HIVEP1: variants seen among roughly 807,000 people sequenced by gnomAD.
The protein encoded by HIVEP1 is HIVEP zinc finger 1.
A neutral mutation model predicts 180.0 loss-of-function variants in HIVEP1; 36 were observed. That is an observed-to-expected ratio of 0.20 (90% CI 0.15 to 0.26). The LOEUF is 0.26. Among genes scored for constraint, HIVEP1 ranks in the 10% least tolerant of loss-of-function variants. The probability of loss-of-function intolerance (pLI) is 1.00; values close to 1 mark genes in which losing one functional copy is unlikely to be tolerated. For synonymous variants in HIVEP1, 1,239 were observed against 1,239.0 expected, an observed-to-expected ratio of 1.00 and a Z score of 0.00; for missense variants, 3,143 against 3,268.7, an observed-to-expected ratio of 0.96 and a Z score of 0.94.
downstream of HIVEP1, among the ~76,000 whole-genome samples, chr6:12,167,363 C>A (rs1357882492): frequency 1.3e-5 from 2 of 151,632 alleles, no homozygotes; most frequent in Non-Finnish European, 2.9e-5. Context: ...TTGCAGTCAA[C>A]TTCAAATAAT....
intron 2 of HIVEP1, among the ~76,000 whole-genome samples, chr6:12,048,031 T>C (rs1770250669): frequency 6.6e-6 from 1 of 152,246 alleles, no homozygotes; most frequent in African/African-American, 2.4e-5. Flanking sequence ...CTGTTGCTGT[T>C]CCATTTTGCA....
intron 7 of HIVEP1, among the ~76,000 whole-genome samples, chr6:12,153,616 T>G (rs1384389106): frequency 1.3e-5 from 2 of 150,790 alleles, no homozygotes; most frequent in East Asian, 3.9e-4. Context: ...AAGAGCACTT[T>G]TAGGTTCTAA....
At chr6:12,159,592 T>TA (rs1470072354) in intron 7 of HIVEP1, among the ~76,000 whole-genome samples, 13 of 152,102 alleles carry the variant, frequency 8.5e-5, no homozygotes, top group African/African-American at 7.2e-5. Context: ...GCCAAACCTA[T>TA]AAAAAATTTT....
chr6:12,062,846 T>C (rs902401319), intron 2 of HIVEP1, among the ~76,000 whole-genome samples: 14 of 152,224 alleles, frequency 9.2e-5, no homozygotes, highest in African/African-American at 2.7e-4. Context: ...GAAAGTATAG[T>C]GTAGTCTGGC....
At chr6:12,153,860 A>G (rs1181385536) in intron 7 of HIVEP1, among the ~76,000 whole-genome samples, 1 of 152,140 alleles carries the variant, frequency 6.6e-6, no homozygotes, top group Non-Finnish European at 1.5e-5. Context: ...AAAAGACCCT[A>G]GAGCGGGCTG....
At chr6:12,053,028 C>T (rs1026182216) in intron 2 of HIVEP1, among the ~76,000 whole-genome samples, 8 of 152,048 alleles carry the variant, frequency 5.3e-5, no homozygotes, top group African/African-American at 1.9e-4. Context: ...CTGTGTAGTT[C>T]CTGTAATTGG....
chr6:12,112,231 A>G (rs1009984382), intron 3 of HIVEP1, among the ~76,000 whole-genome samples: 2 of 152,034 alleles, frequency 1.3e-5, no homozygotes, highest in African/African-American at 2.4e-5. Context: ...ATATCACACC[A>G]TGGTTTCCGT....
chr6:12,135,683 G>C (rs1002643164), intron 6 of HIVEP1, 108 bp from the exon 7 acceptor site: 1 of 679,984 alleles, frequency 1.5e-6, no homozygotes, highest in Admixed American at 2.5e-5. Flanking sequence ...GGAGTTGTAC[G>C]ACCACAATCT....
At chr6:12,024,608 C>T (rs1317530506) in intron 2 of HIVEP1, among the ~76,000 whole-genome samples, 1 of 152,184 alleles carries the variant, frequency 6.6e-6, no homozygotes, top group East Asian at 1.9e-4. Flanking sequence ...GGTTTATCTT[C>T]AAATTCTTTC....
chr6:12,136,108 T>C (rs1758690331), intron 7 of HIVEP1, among the ~76,000 whole-genome samples: 1 of 152,188 alleles, frequency 6.6e-6, no homozygotes, highest in Non-Finnish European at 1.5e-5. Context: ...TTCTGAAGCA[T>C]GTGTCTGATC....
intron 2 of HIVEP1, among the ~76,000 whole-genome samples, chr6:12,051,984 G>C (rs9296246): frequency 0.25 from 37,525 of 152,000 alleles, 4,998 homozygotes; most frequent in African/African-American, 0.36. Flanking sequence ...CATACTGTGT[G>C]GGGGGACTTT....
the HIVEP1 span, among the ~76,000 whole-genome samples, chr6:12,202,298 G>A: frequency 7.4e-6 from 1 of 134,938 alleles, no homozygotes; most frequent in African/African-American, 2.5e-5. Context: ...TGGGACTATA[G>A]GCTAATTTTT....
rs116154150 is a variant in HIVEP1, at chr6:12,040,007, A to G, written c.40+24339A>G. ...CCCCAACTGTGGGGCGAGGATTCTG[A>G]TGCTGGGCGGTCGAGGGGAAATGTA... On this transcript the variant is annotated intron_variant, in intron 2 of 8. Coordinates refer to ENST00000379388, the MANE Select transcript of HIVEP1 (RefSeq NM_002114.4). Among the ~76,000 whole-genome samples the G allele has an allele frequency of 4.6e-3, 693 of 152,280 alleles. 3 individuals carry two copies. The highest frequency in any genetic ancestry group is 0.016 in the African/African-American group (656 of 41,546).
intron 3 of HIVEP1, among the ~76,000 whole-genome samples, chr6:12,115,650 T>C (rs997710865): frequency 2.0e-5 from 3 of 152,188 alleles, no homozygotes; most frequent in Non-Finnish European, 4.4e-5. Context: ...GCCTGACTCC[T>C]ATTTTGAATC....
At chr6:12,009,422 C>T (rs953965370), upstream of HIVEP1, among the ~76,000 whole-genome samples, 1 of 152,200 alleles carries the variant, frequency 6.6e-6, no homozygotes, top group African/African-American at 2.4e-5. Flanking sequence ...AGCGTTCACG[C>T]GGACGGTGGG....
At chr6:12,057,292 A>G (rs1417216960) in intron 2 of HIVEP1, among the ~76,000 whole-genome samples, 3 of 152,208 alleles carry the variant, frequency 2.0e-5, no homozygotes, top group Non-Finnish European at 4.4e-5. Flanking sequence ...TATTATTGAT[A>G]TGTTTGCTAA....
At chr6:12,014,094 A>G (rs1194817325) in intron 1 of HIVEP1, among the ~76,000 whole-genome samples, 1 of 152,148 alleles carries the variant, frequency 6.6e-6, no homozygotes, top group Non-Finnish European at 1.5e-5. Flanking sequence ...TAGTCCTTAT[A>G]ACAACCTTCT....
At chr6:12,031,806 G>A (rs897874179) in intron 2 of HIVEP1, among the ~76,000 whole-genome samples, 9 of 152,158 alleles carry the variant, frequency 5.9e-5, no homozygotes, top group Admixed American at 1.3e-4. Context: ...TTATGGTTGC[G>A]TTTTGTGGAG....
At chr6:12,077,216 G>T (rs114069677) in intron 2 of HIVEP1, among the ~76,000 whole-genome samples, 138 of 152,248 alleles carry the variant, frequency 9.1e-4, no homozygotes, top group African/African-American at 2.9e-3. Context: ...GACCACATTT[G>T]CCCTTAGTAA....
Sources: allele counts gnomAD v4.1 joint callset (sites outside exome capture counted in the v4.1 genomes callset), GRCh38; gene constraint gnomAD v4.1.1; transcripts MANE v1.5; gene names NCBI Gene and HGNC (gene_info 2026-07-23, HGNC 2026-07-21).